Variants in PRKAR2B observed in about 807,000 individuals in gnomAD.
PRKAR2B encodes the protein cAMP-dependent protein kinase type II-beta regulatory subunit.
PRKAR2B carries 14 observed loss-of-function variants against 49.9 expected under a neutral mutation model. That is an observed-to-expected ratio of 0.28 (90% CI 0.19 to 0.44). PRKAR2B has a LOEUF of 0.44. Ranked by LOEUF, PRKAR2B falls within the 20% of genes least tolerant of loss-of-function variation. The pLI, the probability that PRKAR2B is intolerant of heterozygous loss-of-function variation, is 1.00. For missense variants in PRKAR2B, 393 were observed against 537.9 expected (o/e 0.73, Z 2.67); for synonymous variants, 196 against 197.7 (o/e 0.99, Z 0.07).
At chr7:107,123,986 CAAAA>C (rs1795436578) in intron 3 of PRKAR2B, among the ~76,000 whole-genome samples, 1 of 152,040 alleles carries the variant, frequency 6.6e-6, no homozygotes, top group Non-Finnish European at 1.5e-5. Context: ...TTACAGATTT[CAAAA>C]TTATTTAGAT....
intron 2 of PRKAR2B, among the ~76,000 whole-genome samples, chr7:107,116,051 A>G (rs1259789795): frequency 6.6e-6 from 1 of 152,232 alleles, no homozygotes; most frequent in Non-Finnish European, 1.5e-5. Context: ...AGATTATGGC[A>G]GTGTTTGTAA....
chr7:107,103,241 T>C (rs1795009721), intron 2 of PRKAR2B, among the ~76,000 whole-genome samples: 1 of 152,182 alleles, frequency 6.6e-6, no homozygotes, highest in South Asian at 2.1e-4. Context: ...GGAAAAAATT[T>C]CATTAACAAT....
chr7:107,103,315 T>C (rs1288493616), intron 2 of PRKAR2B, among the ~76,000 whole-genome samples: 1 of 152,248 alleles, frequency 6.6e-6, no homozygotes, highest in Non-Finnish European at 1.5e-5. Context: ...AAAAGGAATA[T>C]TGAGCCAACG....
intron 1 of PRKAR2B, among the ~76,000 whole-genome samples, chr7:107,052,103 G>C (rs1793817343): frequency 6.6e-6 from 1 of 152,110 alleles, no homozygotes; most frequent in Non-Finnish European, 1.5e-5. Flanking sequence ...CATTATTATA[G>C]AAAACTAATG....
intron 1 of PRKAR2B, among the ~76,000 whole-genome samples, chr7:107,063,561 G>A (rs1010691795): frequency 5.3e-5 from 8 of 152,168 alleles, no homozygotes; most frequent in Non-Finnish European, 7.4e-5. Context: ...AACAAGAGGG[G>A]CAACTTTAAA....
At position 107,045,079 on chromosome 7, in the gene PRKAR2B, TG is replaced by T. The variant is rs1359480189; in HGVS notation, c.178del (p.Asp60ThrfsTer46). 6 of 1,535,644 alleles carry T rather than the reference TG, an allele frequency of 3.9e-6. No individual in the cohort carries two copies. Among genetic ancestry groups the T allele is most frequent in the African/African-American group, 1.4e-5 (1 of 72,926 alleles). ...TARFGHEGRT[W>X]GDLGAAAGGG... ...GCGCTTCGGCCATGAGGGCAGGACC[TG>T]GGGGGACCTGGGCGCCGCTGCCGGG... On this transcript the variant is annotated frameshift_variant, in exon 1 of 11. Coordinates refer to ENST00000265717, the MANE Select transcript of PRKAR2B (RefSeq NM_002736.3). LOFTEE classifies it high-confidence loss of function.
In PRKAR2B at chr7:107,072,347, A is replaced by G. The variant is rs80169707; in HGVS notation, c.343+2031A>G. Reference sequence around the variant, plus strand: ...TAATATGCTGGAAACCATCAGGAGAATGAATCTTGACATTAATTATAAGAA... The same window carrying G: ...TAATATGCTGGAAACCATCAGGAGAGTGAATCTTGACATTAATTATAAGAA... On this transcript the variant is annotated intron_variant, in intron 2 of 10. Coordinates refer to ENST00000265717, the MANE Select transcript of PRKAR2B (RefSeq NM_002736.3). Among the ~76,000 whole-genome samples the G allele has an allele frequency of 5.5e-3, 831 of 152,192 alleles. 7 individuals are homozygous for G. The highest frequency in any genetic ancestry group is 9.2e-3 in the Non-Finnish European group (623 of 67,968).
At chr7:107,157,582 C>G (rs984035820) in intron 10 of PRKAR2B, among the ~76,000 whole-genome samples, 3 of 152,116 alleles carry the variant, frequency 2.0e-5, no homozygotes, top group Admixed American at 6.6e-5. Context: ...AATAAGAGTT[C>G]CAAGTACCAC....
intron 2 of PRKAR2B, among the ~76,000 whole-genome samples, chr7:107,104,728 C>G (rs1246736988): frequency 6.6e-6 from 1 of 152,150 alleles, no homozygotes; most frequent in Non-Finnish European, 1.5e-5. Context: ...GCAAGAGTGT[C>G]TGCATTAGTC....
chr7:107,103,890 G>A lies in PRKAR2B; in HGVS notation c.344-18062G>A, dbSNP rs1795021601. On this transcript the variant is annotated intron_variant, in intron 2 of 10. Coordinates refer to ENST00000265717, the MANE Select transcript of PRKAR2B (RefSeq NM_002736.3). ...CTGGATCAATCCATTAGGAATGCCT[G>A]TTAGCAGGTTCTGTCTCAATTTAAA... Among the ~76,000 whole-genome samples, 3 of 152,218 alleles carry A rather than the reference G, an allele frequency of 2.0e-5. No homozygotes were observed. The South Asian group carries it at 6.2e-4, about 32-fold the overall frequency.
intron 2 of PRKAR2B, among the ~76,000 whole-genome samples, chr7:107,104,957 TA>T (rs1166260991): frequency 3.3e-5 from 5 of 152,154 alleles, no homozygotes; most frequent in Admixed American, 6.5e-5. Context: ...GTTCCTAAAT[TA>T]ATCTCTGTTC....
intron 2 of PRKAR2B, among the ~76,000 whole-genome samples, chr7:107,121,404 T>C (rs193112315): frequency 1.3e-5 from 2 of 152,286 alleles, no homozygotes; most frequent in Admixed American, 1.3e-4. Context: ...TCTAATGACA[T>C]GCAAAATTCT....
chr7:107,110,604 G>C (rs1795152350), intron 2 of PRKAR2B, among the ~76,000 whole-genome samples: 1 of 151,484 alleles, frequency 6.6e-6, no homozygotes, highest in Non-Finnish European at 1.5e-5. Flanking sequence ...GTACCCGTTA[G>C]AGCCACGAGG....
chr7:107,104,069 T>C (rs10241141), intron 2 of PRKAR2B, among the ~76,000 whole-genome samples: 19,054 of 152,186 alleles, frequency 0.13, 1,439 homozygotes, highest in African/African-American at 0.2. Flanking sequence ...CTCGCACTTT[T>C]GGTCCAGGCT....
In PRKAR2B at chr7:107,077,728, G is replaced by A. The variant is rs566620642; in HGVS notation, c.343+7412G>A. 4 of 152,260 alleles carry A rather than the reference G, an allele frequency of 2.6e-5. No individual in the cohort carries two copies. In the South Asian group the frequency reaches 8.3e-4, roughly 32 times the overall value. The allele number at this position is 152,260 out of a possible 1,614,324, so 9.4% of individuals were successfully genotyped here. ...ACCAGGAGAGGCTGTATAGGCTCTG[G>A]AATCAGACCAGGGTTAGAGTACTAG... On this transcript the variant is annotated intron_variant, in intron 2 of 10. Transcript: ENST00000265717.
chr7:107,099,765 G>T lies in PRKAR2B; in HGVS notation c.344-22187G>T, dbSNP rs550431148. On this transcript the variant is annotated intron_variant, in intron 2 of 10. Coordinates refer to ENST00000265717, the MANE Select transcript of PRKAR2B (RefSeq NM_002736.3). ...GCCATTCTCCTTAGCCTCCTGAGTA[G>T]CTGGGACTACAGGCCCCCACCACCA... Among the ~76,000 whole-genome samples the T allele has an allele frequency of 1.1e-4, 17 of 151,780 alleles. No homozygotes were observed. In the South Asian group the frequency reaches 3.3e-3, roughly 30 times the overall value.
chr7:107,075,555 A>G (rs1794380787), intron 2 of PRKAR2B, among the ~76,000 whole-genome samples: 1 of 151,896 alleles, frequency 6.6e-6, no homozygotes, highest in Admixed American at 6.6e-5. Flanking sequence ...GTGCACCACA[A>G]TGCCTAGCTA....
intron 2 of PRKAR2B, among the ~76,000 whole-genome samples, chr7:107,090,728 A>G (rs1794719509): frequency 6.6e-6 from 1 of 152,188 alleles, no homozygotes; most frequent in African/African-American, 2.4e-5. Flanking sequence ...GGGAAGCTCA[A>G]GTCACCTGTT....
intron 1 of PRKAR2B, among the ~76,000 whole-genome samples, chr7:107,045,531 T>C (rs536462773): frequency 3.9e-5 from 6 of 152,186 alleles, no homozygotes; most frequent in Non-Finnish European, 4.4e-5. Flanking sequence ...AAGACAACTT[T>C]CGCTGTGGTT....
Sources: gnomAD v4.1 joint callset for allele counts (sites outside exome capture counted in the v4.1 genomes callset) on GRCh38, gnomAD v4.1.1 for gene constraint, MANE v1.5 for transcripts, NCBI Gene and HGNC (gene_info 2026-07-23, HGNC 2026-07-21) for gene names.